The following STXBP5L variants were observed in gnomAD, a reference collection of about 807,000 sequenced individuals.
STXBP5L encodes syntaxin binding protein 5L, also known as syntaxin-binding protein 5-like.
A neutral mutation model predicts 144.5 loss-of-function variants in STXBP5L; 65 were observed. The ratio of observed to expected loss-of-function variants is 0.45; its 90% CI spans 0.37 to 0.55. The LOEUF (loss-of-function observed/expected upper bound fraction) is 0.55, where lower values mean the gene tolerates loss of function less well. Ranked by LOEUF, STXBP5L falls within the 20% of genes least tolerant of loss-of-function variation. The pLI is 0.00. For missense variants in STXBP5L, 1,298 were observed against 1,405.5 expected, an observed-to-expected ratio of 0.92 and a Z score of 1.22; for synonymous variants, 505 against 469.6, an observed-to-expected ratio of 1.08 and a Z score of -0.97.
intron 3 of STXBP5L, among the ~76,000 whole-genome samples, chr3:120,987,807 A>G (rs556584892): frequency 1.3e-5 from 2 of 151,948 alleles, no homozygotes; most frequent in South Asian, 2.1e-4. Flanking sequence ...GGGTAATACT[A>G]TCTTCATAAA....
At chr3:121,206,602 G>T (rs963178935) in intron 10 of STXBP5L, among the ~76,000 whole-genome samples, 3 of 152,158 alleles carry the variant, frequency 2.0e-5, no homozygotes, top group Non-Finnish European at 2.9e-5. Flanking sequence ...CTGAGGTCAG[G>T]AGATCGAGAC....
chr3:121,352,761 G>C (rs537543053), intron 20 of STXBP5L, among the ~76,000 whole-genome samples: 18 of 152,140 alleles, frequency 1.2e-4, no homozygotes, highest in Non-Finnish European at 2.4e-4. Flanking sequence ...TCTTGTGCTG[G>C]TTTTCAAAGG....
chr3:121,383,759 A>G (rs1325645520), intron 22 of STXBP5L, among the ~76,000 whole-genome samples: 2 of 152,092 alleles, frequency 1.3e-5, no homozygotes, highest in African/African-American at 4.8e-5. Context: ...TTCAGAGCCT[A>G]CTTATTGACT....
At chr3:121,217,888 G>A (rs572921261) in intron 10 of STXBP5L, among the ~76,000 whole-genome samples, 163 of 151,094 alleles carry the variant, frequency 1.1e-3, no homozygotes, top group African/African-American at 3.7e-3. Context: ...TTATTGCTTG[G>A]AGGTCTTTAC....
At chr3:121,064,672 A>AT (rs796264616) in intron 5 of STXBP5L, among the ~76,000 whole-genome samples, 2 of 152,128 alleles carry the variant, frequency 1.3e-5, no homozygotes, top group African/African-American at 2.4e-5. Flanking sequence ...ACATTTATAG[A>AT]TTTTTTTGTA....
chr3:121,375,012 GGGTGGGAGGGTGGGA>G (rs2046142513), intron 20 of STXBP5L, among the ~76,000 whole-genome samples: 1 of 108,168 alleles, frequency 9.2e-6, no homozygotes, highest in African/African-American at 3.1e-5. Flanking sequence ...AGACTCAGAA[GGGTGGGAGGGTGGGA>G]GGGTGGGAGG....
chr3:120,971,933 T>TGA (rs1940320659), intron 3 of STXBP5L, among the ~76,000 whole-genome samples: 1 of 152,182 alleles, frequency 6.6e-6, no homozygotes, highest in Non-Finnish European at 1.5e-5. Flanking sequence ...CATTCATTGA[T>TGA]GAGCACTTAG....
intron 22 of STXBP5L, among the ~76,000 whole-genome samples, chr3:121,402,030 C>CA (rs1208948848): frequency 6.6e-6 from 1 of 151,956 alleles, no homozygotes; most frequent in Non-Finnish European, 1.5e-5. Flanking sequence ...AATTTTTGAA[C>CA]AAAAAGTCCC....
intron 3 of STXBP5L, among the ~76,000 whole-genome samples, chr3:121,027,671 T>C (rs528492612): frequency 6.6e-6 from 1 of 152,176 alleles, no homozygotes; most frequent in East Asian, 1.9e-4. Context: ...ATAAGGACTC[T>C]TGTAGTTACG....
intron 25 of STXBP5L, among the ~76,000 whole-genome samples, chr3:121,416,471 T>A (rs996401355): frequency 7.3e-6 from 1 of 137,834 alleles, no homozygotes; most frequent in Non-Finnish European, 1.6e-5. Flanking sequence ...ACTGGTAGAT[T>A]TTTATTTATT....
At chr3:120,947,938 T>C (rs1710963634) in intron 2 of STXBP5L, among the ~76,000 whole-genome samples, 1 of 151,852 alleles carries the variant, frequency 6.6e-6, no homozygotes, top group Non-Finnish European at 1.5e-5. Context: ...TTTATATTTA[T>C]GTTTTCATTT....
chr3:121,223,233 A>C, intron 11 of STXBP5L, 76 bp downstream of exon 11: 2 of 1,449,104 alleles, frequency 1.4e-6, no homozygotes, highest in South Asian at 1.4e-5. Context: ...ATTAAGGTTA[A>C]ATATTTTCAG....
chr3:121,140,177 C>A (rs921090635), intron 7 of STXBP5L, among the ~76,000 whole-genome samples: 3 of 152,054 alleles, frequency 2.0e-5, no homozygotes, highest in Non-Finnish European at 4.4e-5. Flanking sequence ...CATCGCTCAT[C>A]ATCAGGGAAA....
intron 5 of STXBP5L, among the ~76,000 whole-genome samples, chr3:121,075,615 A>G (rs1301316883): frequency 6.6e-6 from 1 of 152,172 alleles, no homozygotes; most frequent in African/African-American, 2.4e-5. Flanking sequence ...TCTGTGTCAA[A>G]TGGCGTGTAA....
intron 5 of STXBP5L, among the ~76,000 whole-genome samples, chr3:121,063,391 G>T (rs979167563): frequency 1.3e-5 from 2 of 152,150 alleles, no homozygotes; most frequent in South Asian, 4.2e-4. Context: ...AGGGGCACCC[G>T]CCATATGTCA....
At chr3:120,998,876 A>G (rs1179168028) in intron 3 of STXBP5L, among the ~76,000 whole-genome samples, 1 of 152,210 alleles carries the variant, frequency 6.6e-6, no homozygotes. Context: ...GCTGACAGAA[A>G]TGAATGGAAA....
At chr3:121,370,758 C>T (rs746690965) in intron 20 of STXBP5L, among the ~76,000 whole-genome samples, 2 of 152,188 alleles carry the variant, frequency 1.3e-5, no homozygotes, top group African/African-American at 2.4e-5. Context: ...GAAAGCCAGA[C>T]TTCAAGCTCT....
Position 121,383,506 on chromosome 3 carries a change from G to C in STXBP5L, c.2587+1974G>C, listed in dbSNP as rs758962525. 6.2e-4 allele frequency among the ~76,000 whole-genome samples: 94 copies of C among 152,034 alleles called. 1 individual carries two copies. The highest frequency in any genetic ancestry group is 3.3e-4 in the Admixed American group (5 of 15,250). ...TATGTGGGAACTCTTTATACTATCT[G>C]TTAAATTTTCTTTAAATCTGAAACT... On this transcript the variant is annotated intron_variant, in intron 22 of 26. Transcript: ENST00000471454.
intron 7 of STXBP5L, among the ~76,000 whole-genome samples, chr3:121,146,338 A>C (rs2045709941): frequency 6.6e-6 from 1 of 152,034 alleles, no homozygotes; most frequent in South Asian, 2.1e-4. Context: ...AAAAATTTTT[A>C]TTCTGGTGGG....
Sources: gnomAD v4.1 joint callset for allele counts (sites outside exome capture counted in the v4.1 genomes callset) on GRCh38, gnomAD v4.1.1 for gene constraint, MANE v1.5 for transcripts, NCBI Gene and HGNC (gene_info 2026-07-23, HGNC 2026-07-21) for gene names.